The following CFAP299 variants were observed in gnomAD, a reference collection of about 807,000 sequenced individuals.
The protein encoded by CFAP299 is cilia- and flagella-associated protein 299.
CFAP299 carries 21 observed loss-of-function variants against 27.0 expected under a neutral mutation model. The observed-to-expected ratio is 0.78, with a 90% CI of 0.55 to 1.12. CFAP299 has a LOEUF of 1.12. Among genes scored for constraint, CFAP299 ranks in the 50% most tolerant of loss-of-function variants. The probability of loss-of-function intolerance (pLI) is 0.00; values close to 1 mark genes in which losing one functional copy is unlikely to be tolerated. For missense variants in CFAP299, 310 were observed against 276.6 expected (o/e 1.12, Z -0.86); for synonymous variants, 104 against 98.1 (o/e 1.06, Z -0.36).
intron 2 of CFAP299, among the ~76,000 whole-genome samples, chr4:80,382,084 AAG>A (rs1724728536): frequency 6.6e-6 from 1 of 152,162 alleles, no homozygotes; most frequent in South Asian, 2.1e-4. Flanking sequence ...CCAGATTTAA[AAG>A]AGAAAAATAA....
chr4:80,451,063 C>A (rs1005673886), intron 2 of CFAP299, among the ~76,000 whole-genome samples: 5 of 151,998 alleles, frequency 3.3e-5, no homozygotes, highest in African/African-American at 1.2e-4. Flanking sequence ...CTAGGACTGC[C>A]AACAAAATCT....
At chr4:80,577,939 G>A (rs1185660414) in intron 2 of CFAP299, among the ~76,000 whole-genome samples, 1 of 152,156 alleles carries the variant, frequency 6.6e-6, no homozygotes. Flanking sequence ...ATGTGATAAT[G>A]ATATACAGAC....
intron 3 of CFAP299, among the ~76,000 whole-genome samples, chr4:80,672,221 T>G (rs1741527868): frequency 6.6e-6 from 1 of 152,234 alleles, no homozygotes; most frequent in Non-Finnish European, 1.5e-5. Flanking sequence ...GAAGGGATGT[T>G]GAATTTTATC....
At chr4:80,671,227 C>A (rs905389696) in intron 3 of CFAP299, among the ~76,000 whole-genome samples, 2 of 152,138 alleles carry the variant, frequency 1.3e-5, no homozygotes, top group Non-Finnish European at 2.9e-5. Context: ...GTTTTCCCAG[C>A]ACCATTTATT....
rs149930577 is a variant in CFAP299 at position 80,488,536 on chromosome 4, T to C, written c.243-94557T>C. Among the ~76,000 whole-genome samples the C allele has an allele frequency of 5.6e-3, 842 of 150,630 alleles. 8 individuals carry two copies. The highest frequency in any genetic ancestry group is 0.018 in the African/African-American group (736 of 40,730). On this transcript the variant is annotated intron_variant, in intron 2 of 5. Coordinates refer to ENST00000358105, the MANE Select transcript of CFAP299 (RefSeq NM_152770.3). ...TTGCCCAGGCTGGAGTGCAGTGGCA[T>C]GATCTTGGCTTGCTGCAAGTTTCTC...
intron 3 of CFAP299, among the ~76,000 whole-genome samples, chr4:80,752,765 T>A (rs1320108207): frequency 7.2e-5 from 11 of 152,052 alleles, no homozygotes; most frequent in Admixed American, 7.2e-4. Context: ...TTATCTCCAC[T>A]ATTGGCTTTT....
At chr4:80,732,998 T>C (rs1449625142) in intron 3 of CFAP299, among the ~76,000 whole-genome samples, 1 of 152,148 alleles carries the variant, frequency 6.6e-6, no homozygotes, top group Non-Finnish European at 1.5e-5. Context: ...TCAGTATAAA[T>C]TGTGCTCACA....
intron 4 of CFAP299, among the ~76,000 whole-genome samples, chr4:80,928,290 C>T (rs939139988): frequency 4.6e-5 from 7 of 152,092 alleles, no homozygotes; most frequent in Admixed American, 3.3e-4. Context: ...GCCAGTATCT[C>T]TCACAACAAA....
chr4:80,690,345 C>G (rs900015916), intron 3 of CFAP299, among the ~76,000 whole-genome samples: 3 of 152,018 alleles, frequency 2.0e-5, no homozygotes, highest in African/African-American at 7.3e-5. Flanking sequence ...CAAACTATCT[C>G]TCAGACCACA....
At chr4:80,939,315 C>T (rs1737077272) in intron 4 of CFAP299, among the ~76,000 whole-genome samples, 1 of 152,102 alleles carries the variant, frequency 6.6e-6, no homozygotes, top group Non-Finnish European at 1.5e-5. Context: ...TATACTGTCT[C>T]ATTTGATGGC....
At chr4:80,439,852 C>G (rs115303845) in intron 2 of CFAP299, among the ~76,000 whole-genome samples, 4 of 152,154 alleles carry the variant, frequency 2.6e-5, no homozygotes, top group Admixed American at 1.3e-4. Context: ...CTGCGACACT[C>G]GAGCTTGGTG....
chr4:80,690,354 C>G (rs190017179), intron 3 of CFAP299, among the ~76,000 whole-genome samples: 10,748 of 151,928 alleles, frequency 0.071, 851 homozygotes, highest in African/African-American at 0.19. Context: ...TCTCAGACCA[C>G]AGTGAAATCA....
In CFAP299 at chr4:80,736,609, T is replaced by C. The variant is rs936913478; in HGVS notation, c.334-133384T>C. Among the ~76,000 whole-genome samples, 150 of 152,148 alleles carry C rather than the reference T, an allele frequency of 9.9e-4. 1 individual carries two copies. Among genetic ancestry groups the C allele is most frequent in the Non-Finnish European group, 6.9e-4 (47 of 67,992 alleles). On this transcript the variant is annotated intron_variant, in intron 3 of 5. Transcript: ENST00000358105. ...AGAGAAATGCAAATCAAAACCACAA[T>C]GAGATACCATCTCACACCAGTTAGA...
At position 80,862,138 on chromosome 4, in the gene CFAP299, G is replaced by A. The variant is rs144828569; in HGVS notation, c.334-7855G>A. 9.5e-3 allele frequency among the ~76,000 whole-genome samples: 1,447 copies of A among 152,224 alleles called. 22 individuals are homozygous for A. Among genetic ancestry groups the A allele is most frequent in the South Asian group, 0.068 (327 of 4,824 alleles). On this transcript the variant is annotated intron_variant, in intron 3 of 5. Transcript: ENST00000358105. ...TAATCCCAGCACTTTGGAAGGCCAC[G>A]GTGGGTGGATCATTTGAGGTCAGGA... is the stretch of plus-strand genomic sequence containing the variant.
intron 1 of CFAP299, among the ~76,000 whole-genome samples, chr4:80,360,612 G>C (rs1252450126): frequency 6.6e-6 from 1 of 152,206 alleles, no homozygotes; most frequent in East Asian, 1.9e-4. Flanking sequence ...AGTAGAAATA[G>C]ATAAAATGAA....
At chr4:80,831,788 T>G (rs1208228259) in intron 3 of CFAP299, among the ~76,000 whole-genome samples, 1 of 152,174 alleles carries the variant, frequency 6.6e-6, no homozygotes, top group African/African-American at 2.4e-5. Flanking sequence ...CATACCATTT[T>G]AGCATCTAAT....
chr4:80,554,041 G>T (rs527888514), intron 2 of CFAP299, among the ~76,000 whole-genome samples: 1 of 151,998 alleles, frequency 6.6e-6, no homozygotes, highest in South Asian at 2.1e-4. Flanking sequence ...ATTGCTTTTG[G>T]CATCTTTGTC....
intron 3 of CFAP299, among the ~76,000 whole-genome samples, chr4:80,799,882 A>C (rs1192783414): frequency 5.0e-5 from 2 of 39,674 alleles, no homozygotes; most frequent in African/African-American, 1.1e-4. Context: ...ATTATATTAT[A>C]TAATATATAA....
At chr4:80,472,630 C>T (rs935892133) in intron 2 of CFAP299, among the ~76,000 whole-genome samples, 7 of 152,220 alleles carry the variant, frequency 4.6e-5, no homozygotes, top group South Asian at 2.1e-4. Context: ...GGAACTTACA[C>T]GTAGGACAGT....
Sources: gnomAD v4.1 joint callset for allele counts (sites outside exome capture counted in the v4.1 genomes callset) on GRCh38, gnomAD v4.1.1 for gene constraint, MANE v1.5 for transcripts, NCBI Gene and HGNC (gene_info 2026-07-23, HGNC 2026-07-21) for gene names.